Variants in GSG1L observed in about 807,000 individuals in gnomAD.
The protein encoded by GSG1L is GSG1 like.
A neutral mutation model predicts 42.1 loss-of-function variants in GSG1L; 24 were observed. That is an observed-to-expected ratio of 0.57 (90% CI 0.41 to 0.80). The LOEUF is 0.80. GSG1L is among the 30% of genes least tolerant of loss of function. GSG1L has a pLI of 0.00. For synonymous variants in GSG1L, 215 were observed against 203.5 expected, an observed-to-expected ratio of 1.06 and a Z score of -0.48; for missense variants, 445 against 472.2, an observed-to-expected ratio of 0.94 and a Z score of 0.53.
chr16:27,857,309 C>T (rs7203534), intron 3 of GSG1L, among the ~76,000 whole-genome samples: 77,910 of 151,318 alleles, frequency 0.51, 20,641 homozygotes, highest in African/African-American at 0.67. Context: ...GCACCTGTAG[C>T]CCCAGCTACT....
At chr16:27,853,063 C>T (rs746876675) in intron 3 of GSG1L, among the ~76,000 whole-genome samples, 1 of 152,150 alleles carries the variant, frequency 6.6e-6, no homozygotes, top group Non-Finnish European at 1.5e-5. Context: ...AATATCAGCC[C>T]CAGAACAGCC....
intron 5 of GSG1L, among the ~76,000 whole-genome samples, chr16:27,820,950 C>G (rs2083145270): frequency 1.3e-5 from 2 of 152,186 alleles, no homozygotes; most frequent in South Asian, 4.1e-4. Flanking sequence ...TCGGCCCCTC[C>G]TGGCCTTTGC....
At chr16:27,922,221 C>G (rs4788007) in intron 2 of GSG1L, among the ~76,000 whole-genome samples, 1 of 151,630 alleles carries the variant, frequency 6.6e-6, no homozygotes, top group African/African-American at 2.4e-5. Context: ...GCCTCAAGAA[C>G]GTCAAAACTG....
chr16:27,850,692 G>A (rs2083501814), intron 3 of GSG1L: 1 of 408,850 alleles, frequency 2.4e-6, no homozygotes, highest in African/African-American at 2.1e-5. Flanking sequence ...TGCTGCCTGG[G>A]GAAGTGGGAA....
chr16:27,881,038 G>C (rs1230409564), intron 3 of GSG1L, among the ~76,000 whole-genome samples: 1 of 151,988 alleles, frequency 6.6e-6, no homozygotes, highest in Non-Finnish European at 1.5e-5. Context: ...GGATCTCCCA[G>C]GTCAGGGTCC....
chr16:27,979,741 GAAA>G (rs1567543025), intron 1 of GSG1L, among the ~76,000 whole-genome samples: 1 of 47,888 alleles, frequency 2.1e-5, no homozygotes. Flanking sequence ...GAAAAAGAAA[GAAA>G]GAAAGGAAAG....
chr16:27,815,348 C>A (rs993670043), intron 5 of GSG1L, among the ~76,000 whole-genome samples: 1 of 152,118 alleles, frequency 6.6e-6, no homozygotes, highest in Non-Finnish European at 1.5e-5. Flanking sequence ...GTGTGATGTA[C>A]CTGCTCCCGT....
intron 1 of GSG1L, among the ~76,000 whole-genome samples, chr16:28,029,237 CTGAA>C (rs1042209236): frequency 1.4e-4 from 21 of 152,206 alleles, no homozygotes; most frequent in Non-Finnish European, 2.9e-4. Context: ...GTGTAAAGAA[CTGAA>C]TGAATGTGAA....
chr16:27,914,829 C>G (rs2084433752), intron 2 of GSG1L, among the ~76,000 whole-genome samples: 1 of 152,104 alleles, frequency 6.6e-6, no homozygotes, highest in Non-Finnish European at 1.5e-5. Context: ...TAGGTCAATC[C>G]TGCATCCTAC....
intron 1 of GSG1L, among the ~76,000 whole-genome samples, chr16:28,016,710 C>G (rs146637265): frequency 2.0e-5 from 3 of 152,322 alleles, no homozygotes; most frequent in Admixed American, 2.0e-4. Context: ...TTATTGAGAA[C>G]TTACTGCATG....
At chr16:28,048,803 A>G (rs59217296) in intron 1 of GSG1L, among the ~76,000 whole-genome samples, 136 of 152,362 alleles carry the variant, frequency 8.9e-4, no homozygotes, top group African/African-American at 3.2e-3. Flanking sequence ...CAAAGTTTTC[A>G]ATGTAAAAAC....
chr16:27,947,824 C>T (rs1490574200), intron 2 of GSG1L, among the ~76,000 whole-genome samples: 1 of 152,162 alleles, frequency 6.6e-6, no homozygotes, highest in Non-Finnish European at 1.5e-5. Flanking sequence ...TCAATTTCCT[C>T]ATCTGTTAAA....
At chr16:27,902,508 C>T (rs1427673003) in intron 2 of GSG1L, among the ~76,000 whole-genome samples, 2 of 151,758 alleles carry the variant, frequency 1.3e-5, no homozygotes, top group South Asian at 2.1e-4. Flanking sequence ...GTGCAGACCC[C>T]GCGGGTGCCG....
At chr16:27,928,402 G>C (rs900300259) in intron 2 of GSG1L, among the ~76,000 whole-genome samples, 7 of 152,154 alleles carry the variant, frequency 4.6e-5, no homozygotes, top group Non-Finnish European at 1.0e-4. Flanking sequence ...CGCCGCCTCT[G>C]AGCGACACTC....
At chr16:27,949,494 C>G (rs969734620) in intron 2 of GSG1L, among the ~76,000 whole-genome samples, 2 of 152,196 alleles carry the variant, frequency 1.3e-5, no homozygotes, top group South Asian at 2.1e-4. Context: ...GTGGCGCAAG[C>G]CTATAGTCCC....
chr16:27,874,440 C>CATTTTTTTTT (rs1455451741), intron 3 of GSG1L, among the ~76,000 whole-genome samples: 1 of 42,966 alleles, frequency 2.3e-5, no homozygotes, highest in Admixed American at 4.0e-4. Context: ...CACAGGAGAG[C>CATTTTTTTTT]CTTTTTTTTT....
intron 2 of GSG1L, among the ~76,000 whole-genome samples, chr16:27,932,110 T>G (rs1281713086): frequency 1.3e-5 from 2 of 152,112 alleles, no homozygotes; most frequent in African/African-American, 4.8e-5. Flanking sequence ...TGGAGTGCAG[T>G]GGCATGATCT....
At chr16:27,848,900 CAAGGGGTAGG>C (rs1424868203) in intron 3 of GSG1L, among the ~76,000 whole-genome samples, 140 of 151,950 alleles carry the variant, frequency 9.2e-4, no homozygotes, top group Admixed American at 2.0e-3. Context: ...GCAGAGTGAG[CAAGGGGTAGG>C]ATGGGCCTGG....
intron 5 of GSG1L, among the ~76,000 whole-genome samples, chr16:27,825,113 G>T (rs1206092143): frequency 6.6e-6 from 1 of 152,238 alleles, no homozygotes; most frequent in Admixed American, 6.5e-5. Context: ...GCATGGAAGT[G>T]CTGGGGCACT....
Sources: gnomAD v4.1 joint callset for allele counts (sites outside exome capture counted in the v4.1 genomes callset) on GRCh38, gnomAD v4.1.1 for gene constraint, MANE v1.5 for transcripts, NCBI Gene and HGNC (gene_info 2026-07-23, HGNC 2026-07-21) for gene names.